The following TANGO6 variants were observed in gnomAD, a reference collection of about 807,000 sequenced individuals.
The protein encoded by TANGO6 is transport and golgi organization 6 homolog, also known as transport and Golgi organization protein 6 homolog.
In TANGO6, 90 loss-of-function variants were observed where a neutral mutation model predicts 114.2. The observed-to-expected ratio is 0.79, with a 90% CI of 0.66 to 0.94. The LOEUF (loss-of-function observed/expected upper bound fraction) is 0.94. TANGO6 is among the 40% of genes least tolerant of loss of function. The pLI, the probability that TANGO6 is intolerant of heterozygous loss-of-function variation, is 0.00. For missense variants in TANGO6, 1,274 were observed against 1,315.3 expected (o/e 0.97, Z 0.49); for synonymous variants, 477 against 509.8 (o/e 0.94, Z 0.87).
chr16:68,853,506 A>G (rs1434313786), intron 1 of TANGO6, among the ~76,000 whole-genome samples: 1 of 152,094 alleles, frequency 6.6e-6, no homozygotes, highest in East Asian at 1.9e-4. Flanking sequence ...AGTTTTGCCT[A>G]TTCTAGAATT....
chr16:68,909,717 A>G (rs1282112338), intron 11 of TANGO6: 1 of 179,118 alleles, frequency 5.6e-6, no homozygotes, highest in Admixed American at 6.2e-5. Context: ...ATCTTTTTCA[A>G]TATATTGATA....
chr16:68,970,788 C>T (rs1963695290), intron 14 of TANGO6, among the ~76,000 whole-genome samples: 2 of 152,084 alleles, frequency 1.3e-5, no homozygotes, highest in Admixed American at 1.3e-4. Flanking sequence ...CCACTGTTTT[C>T]CATTGCAAAG....
At chr16:68,978,417 C>T (rs1275536500) in intron 15 of TANGO6, among the ~76,000 whole-genome samples, 1 of 152,204 alleles carries the variant, frequency 6.6e-6, no homozygotes, top group Non-Finnish European at 1.5e-5. Flanking sequence ...TCCACTAATT[C>T]TCAAAGTTCC....
chr16:69,040,503 C>A, intron 17 of TANGO6, 82 bp downstream of exon 17: 1 of 1,136,684 alleles, frequency 8.8e-7, no homozygotes, highest in Non-Finnish European at 1.3e-6. Context: ...CAGGGAAGGC[C>A]TCAAACCTCT....
At chr16:68,914,734 C>T (rs1227744361) in intron 11 of TANGO6, among the ~76,000 whole-genome samples, 1 of 152,090 alleles carries the variant, frequency 6.6e-6, no homozygotes, top group Non-Finnish European at 1.5e-5. Context: ...CCACCAAAAT[C>T]ACAGGAAATG....
intron 14 of TANGO6, among the ~76,000 whole-genome samples, chr16:68,954,667 TA>T (rs1963508162): frequency 6.6e-6 from 1 of 152,204 alleles, no homozygotes; most frequent in African/African-American, 2.4e-5. Flanking sequence ...CCTACTTTCA[TA>T]AAATGCAATG....
At chr16:69,063,829 A>C (rs149782222) in intron 17 of TANGO6, among the ~76,000 whole-genome samples, 4,346 of 137,062 alleles carry the variant, frequency 0.032, 94 homozygotes, top group Non-Finnish European at 0.045. Context: ...TATTATTATT[A>C]TTATTATTAT....
intron 17 of TANGO6, among the ~76,000 whole-genome samples, chr16:69,077,104 C>T (rs193071899): frequency 9.9e-5 from 15 of 151,948 alleles, no homozygotes; most frequent in Non-Finnish European, 1.3e-4. Flanking sequence ...TGCAGTGGCA[C>T]GATCACAGTT....
chr16:68,944,514 A>G (rs906139952), intron 14 of TANGO6, among the ~76,000 whole-genome samples: 10 of 152,086 alleles, frequency 6.6e-5, no homozygotes, highest in African/African-American at 2.4e-4. Flanking sequence ...CCAACCAGAG[A>G]GAGACCCCCC....
intron 14 of TANGO6, among the ~76,000 whole-genome samples, chr16:68,971,877 C>T (rs1370496020): frequency 6.6e-6 from 1 of 152,150 alleles, no homozygotes; most frequent in Non-Finnish European, 1.5e-5. Context: ...AAGTGATCCA[C>T]CCACCTCGGC....
At chr16:68,979,797 A>G (rs1463553817) in intron 15 of TANGO6, among the ~76,000 whole-genome samples, 2 of 151,040 alleles carry the variant, frequency 1.3e-5, no homozygotes, top group Non-Finnish European at 2.9e-5. Flanking sequence ...TGAGAATTAC[A>G]TATTCTAGTC....
At chr16:69,083,327 C>A (rs534786558) in intron 17 of TANGO6, among the ~76,000 whole-genome samples, 158 bp from the exon 18 acceptor site, 5 of 151,934 alleles carry the variant, frequency 3.3e-5, no homozygotes, top group Admixed American at 2.0e-4. Context: ...TCCCAAAGTG[C>A]GGATTACAGG....
chr16:69,074,412 A>T (rs1404340141), intron 17 of TANGO6, among the ~76,000 whole-genome samples: 1 of 152,072 alleles, frequency 6.6e-6, no homozygotes. Context: ...AGAGTAAAGT[A>T]GTGAAAGAAC....
chr16:69,020,636 A>G (rs1342106985), intron 15 of TANGO6, among the ~76,000 whole-genome samples: 3 of 152,162 alleles, frequency 2.0e-5, no homozygotes, highest in African/African-American at 7.2e-5. Flanking sequence ...AGGTGACTTT[A>G]TGCTTGTAAT....
intron 17 of TANGO6, among the ~76,000 whole-genome samples, chr16:69,066,084 C>T (rs1382306078): frequency 6.6e-6 from 1 of 152,124 alleles, no homozygotes; most frequent in Non-Finnish European, 1.5e-5. Flanking sequence ...TCCAGTGTGC[C>T]AGCTACCAAC....
intron 10 of TANGO6, among the ~76,000 whole-genome samples, chr16:68,908,027 G>C (rs550056599): frequency 6.6e-6 from 1 of 152,034 alleles, no homozygotes. Context: ...AGCCTTTTCC[G>C]GGTTTGTTTC....
In TANGO6 at chr16:69,045,094, T is replaced by C. The variant is rs539154235; in HGVS notation, c.3108+4673T>C. ...ATTGTTTGAACCGGGAGGCAAAGGT[T>C]ACAGTGAGCTGAGATTGTGCCACTG... On this transcript the variant is annotated intron_variant, in intron 17 of 17. Coordinates refer to ENST00000261778, the MANE Select transcript of TANGO6 (RefSeq NM_024562.2). Among the ~76,000 whole-genome samples the C allele has an allele frequency of 2.7e-5, 4 of 148,516 alleles. No homozygotes were observed. In the South Asian group the frequency reaches 8.5e-4, roughly 32 times the overall value.
rs1363198580 is a variant in TANGO6 at position 68,992,991 on chromosome 16, T to A, written c.2842+18823T>A. Among the ~76,000 whole-genome samples, 3 of 151,588 alleles carry A rather than the reference T, an allele frequency of 2.0e-5. No homozygotes were observed. In the East Asian group the frequency reaches 5.8e-4, roughly 29 times the overall value. On this transcript the variant is annotated intron_variant, in intron 15 of 17. Transcript: ENST00000261778. ...GGCTGAGGCAGGAGAATCGCTTGAA[T>A]CCGGAAGGCGTAGGTTGCAGTGAGC... is the stretch of plus-strand genomic sequence containing the variant.
intron 14 of TANGO6, among the ~76,000 whole-genome samples, chr16:68,958,171 CA>C (rs760496722): frequency 3.9e-4 from 48 of 122,446 alleles, no homozygotes; most frequent in Admixed American, 6.0e-4. Context: ...AACTCCATCT[CA>C]AAAAAAAAAA....
Sources: gnomAD v4.1 joint callset for allele counts (sites outside exome capture counted in the v4.1 genomes callset) on GRCh38, gnomAD v4.1.1 for gene constraint, MANE v1.5 for transcripts, NCBI Gene and HGNC (gene_info 2026-07-23, HGNC 2026-07-21) for gene names.